The following IRF2 variants were observed in gnomAD, a reference collection of about 807,000 sequenced individuals.
IRF2 encodes the protein interferon regulatory factor 2.
In IRF2, 15 loss-of-function variants were observed where a neutral mutation model predicts 40.6. The ratio of observed to expected loss-of-function variants is 0.37; its 90% CI spans 0.25 to 0.57. The LOEUF is 0.57. IRF2 is among the 20% of genes least tolerant of loss of function. The pLI is 0.77. For missense variants in IRF2, 317 were observed against 455.7 expected (o/e 0.70, Z 2.77); for synonymous variants, 151 against 165.5 (o/e 0.91, Z 0.67).
chr4:184,389,859 ATGCCCCTTGAT>A (rs1281777888), intron 8 of IRF2, among the ~76,000 whole-genome samples: 1 of 152,188 alleles, frequency 6.6e-6, no homozygotes, highest in African/African-American at 2.4e-5. Context: ...CAGGCAATGA[ATGCCCCTTGAT>A]TGCTTTCAAA....
chr4:184,425,189 TC>T (rs140335024), intron 2 of IRF2, among the ~76,000 whole-genome samples: 21 of 152,292 alleles, frequency 1.4e-4, no homozygotes, highest in Non-Finnish European at 3.1e-4. Context: ...GCAAAAGAGA[TC>T]TTGGAATGAC....
At chr4:184,451,718 A>G (rs887711043) in intron 1 of IRF2, among the ~76,000 whole-genome samples, 2 of 152,160 alleles carry the variant, frequency 1.3e-5, no homozygotes, top group Non-Finnish European at 2.9e-5. Context: ...TGGACACCAC[A>G]CTAGTTCCTA....
At chr4:184,447,014 C>A (rs1374084004) in intron 1 of IRF2, among the ~76,000 whole-genome samples, 1 of 152,128 alleles carries the variant, frequency 6.6e-6, no homozygotes, top group African/African-American at 2.4e-5. Context: ...TACACATATT[C>A]TCTAACCTTG....
intron 1 of IRF2, chr4:184,432,053 G>T (rs1259815103): frequency 1.3e-5 from 2 of 152,118 alleles, no homozygotes; most frequent in Non-Finnish European, 1.5e-5. Context: ...AACAGTAGTT[G>T]AAAAAGTCAA....
intron 1 of IRF2, among the ~76,000 whole-genome samples, chr4:184,461,626 C>T (rs971833429): frequency 9.2e-5 from 14 of 152,136 alleles, no homozygotes; most frequent in Non-Finnish European, 1.8e-4. Flanking sequence ...AAATAAATGA[C>T]TGAATGGATG....
At chr4:184,410,882 A>G (rs903713261) in intron 5 of IRF2, among the ~76,000 whole-genome samples, 1 of 152,138 alleles carries the variant, frequency 6.6e-6, no homozygotes, top group African/African-American at 2.4e-5. Flanking sequence ...GACTAAATTA[A>G]TTTTCCAAGA....
At chr4:184,449,262 G>C (rs570275848) in intron 1 of IRF2, among the ~76,000 whole-genome samples, 4 of 152,124 alleles carry the variant, frequency 2.6e-5, no homozygotes, top group Non-Finnish European at 4.4e-5. Flanking sequence ...CGAGGGGTCC[G>C]TCCCAAGTCT....
chr4:184,458,320 G>T (rs577445995), intron 1 of IRF2, among the ~76,000 whole-genome samples: 2 of 152,304 alleles, frequency 1.3e-5, no homozygotes, highest in East Asian at 1.9e-4. Flanking sequence ...ACCAGGAATG[G>T]TTATTTACCT....
intron 2 of IRF2, among the ~76,000 whole-genome samples, chr4:184,421,012 T>C (rs1247119922): frequency 6.6e-6 from 1 of 152,238 alleles, no homozygotes; most frequent in Non-Finnish European, 1.5e-5. Context: ...CTGTGGAGAT[T>C]AAAGCCCAGG....
intron 1 of IRF2, among the ~76,000 whole-genome samples, chr4:184,433,638 T>G (rs1561110036): frequency 6.9e-6 from 1 of 145,304 alleles, no homozygotes; most frequent in Non-Finnish European, 1.5e-5. Flanking sequence ...TACACTTATT[T>G]CAGGTTTTGT....
chr4:184,420,164 G>A lies in IRF2; in HGVS notation c.88-596C>T, dbSNP rs750102830. Among the ~76,000 whole-genome samples, 12 of 152,260 alleles carry A rather than the reference G, an allele frequency of 7.9e-5. 1 individual carries two copies. Among genetic ancestry groups the A allele is most frequent in the East Asian group, 5.8e-4 (3 of 5,186 alleles). ...ATTACAGGTGTGAGCCACCACACCC[G>A]GCCCTGTGCCTCTTTTTTTTATAAA... On this transcript the variant is annotated intron_variant, in intron 2 of 8. Transcript: ENST00000393593.
intron 1 of IRF2, among the ~76,000 whole-genome samples, chr4:184,429,493 A>G (rs533628877): frequency 6.6e-6 from 1 of 152,294 alleles, no homozygotes; most frequent in South Asian, 2.1e-4. Context: ...AAAAATTATG[A>G]TAGCCAAGCC....
intron 1 of IRF2, chr4:184,431,858 T>G (rs1021674507): frequency 1.9e-5 from 2 of 107,772 alleles, no homozygotes; most frequent in African/African-American, 6.1e-5. Flanking sequence ...AATAACCAGT[T>G]GGGGGAAAAA....
At chr4:184,456,339 G>GGGATCCTCGGCT (rs1269406870) in intron 1 of IRF2, among the ~76,000 whole-genome samples, 2 of 152,194 alleles carry the variant, frequency 1.3e-5, no homozygotes, top group Non-Finnish European at 2.9e-5. Context: ...TGGAAGCCAA[G>GGGATCCTCGGCT]GGATCCTCAG....
At chr4:184,426,945 G>A (rs1434691739) in intron 2 of IRF2, among the ~76,000 whole-genome samples, 1 of 152,146 alleles carries the variant, frequency 6.6e-6, no homozygotes, top group Non-Finnish European at 1.5e-5. Context: ...AATATTAACT[G>A]TACCTACCCC....
chr4:184,451,088 T>A (rs1434738598), intron 1 of IRF2, among the ~76,000 whole-genome samples: 1 of 152,244 alleles, frequency 6.6e-6, no homozygotes, highest in Non-Finnish European at 1.5e-5. Flanking sequence ...TTATGCAACG[T>A]GAGAAGTTGA....
chr4:184,445,191 G>T (rs1040941512), intron 1 of IRF2, among the ~76,000 whole-genome samples: 1 of 152,190 alleles, frequency 6.6e-6, no homozygotes, highest in Non-Finnish European at 1.5e-5. Flanking sequence ...TGGGCCTCTG[G>T]GGGGCGGGGG....
At chr4:184,425,539 G>A (rs987028333) in intron 2 of IRF2, among the ~76,000 whole-genome samples, 3 of 152,246 alleles carry the variant, frequency 2.0e-5, no homozygotes, top group Non-Finnish European at 2.9e-5. Context: ...GCTGAGAGGC[G>A]GCACGGGCCG....
At chr4:184,428,240 A>G (rs1737742478) in intron 2 of IRF2, among the ~76,000 whole-genome samples, 1 of 152,200 alleles carries the variant, frequency 6.6e-6, no homozygotes, top group Admixed American at 6.5e-5. Context: ...TTTAAAGACA[A>G]AAACAAGCTT....
Sources: allele counts gnomAD v4.1 joint callset (sites outside exome capture counted in the v4.1 genomes callset), GRCh38; gene constraint gnomAD v4.1.1; transcripts MANE v1.5; gene names NCBI Gene and HGNC (gene_info 2026-07-23, HGNC 2026-07-21).